FYN: variants seen among roughly 807,000 people sequenced by gnomAD.
FYN encodes the protein tyrosine-protein kinase Fyn.
In FYN, 10 loss-of-function variants were observed where a neutral mutation model predicts 70.2. The observed-to-expected ratio is 0.14, with a 90% CI of 0.09 to 0.24. The LOEUF (loss-of-function observed/expected upper bound fraction) is 0.24, where lower values mean the gene tolerates loss of function less well. Ranked by LOEUF, FYN falls within the 10% of genes least tolerant of loss-of-function variation. The pLI is 1.00. For synonymous variants in FYN, 236 were observed against 248.6 expected, an observed-to-expected ratio of 0.95 and a Z score of 0.48; for missense variants, 319 against 673.1, an observed-to-expected ratio of 0.47 and a Z score of 5.82.
intron 1 of FYN, among the ~76,000 whole-genome samples, chr6:111,850,475 C>T (rs964099727): frequency 2.6e-5 from 4 of 152,214 alleles, no homozygotes; most frequent in African/African-American, 4.8e-5. Context: ...CAGAACCGTA[C>T]GTGGAGTGAT....
intron 2 of FYN, among the ~76,000 whole-genome samples, chr6:111,810,412 G>T (rs557840852): frequency 6.6e-6 from 1 of 152,194 alleles, no homozygotes; most frequent in East Asian, 1.9e-4. Context: ...ACTTGATGTC[G>T]GTCTGGTAAA....
chr6:111,804,726 A>G (rs556973876), intron 2 of FYN, among the ~76,000 whole-genome samples: 6 of 152,212 alleles, frequency 3.9e-5, no homozygotes, highest in Non-Finnish European at 7.3e-5. Context: ...ACTCATAAGC[A>G]GTATGTGGTC....
rs117936149 is a variant in FYN at position 111,690,388 on chromosome 6, G to A, written c.1273+3987C>T. Among the ~76,000 whole-genome samples the A allele has an allele frequency of 1.8e-3, 267 of 152,272 alleles. 6 individuals carry two copies. In the East Asian group the frequency reaches 0.047, roughly 27 times the overall value. ...CATCTTTCTGGGCTTGGAGGACCAA[G>A]ACCACCACCTCAAGCTCAACAGATC... On this transcript the variant is annotated intron_variant, in intron 12 of 13. Coordinates refer to ENST00000354650, the MANE Select transcript of FYN (RefSeq NM_002037.5).
At chr6:111,684,239 AG>A (rs1273734794) in intron 12 of FYN, among the ~76,000 whole-genome samples, 1 of 152,204 alleles carries the variant, frequency 6.6e-6, no homozygotes, top group Non-Finnish European at 1.5e-5. Context: ...AAGGAGTGGA[AG>A]GTGGGCCCGA....
chr6:111,817,056 G>A (rs1583467609), intron 2 of FYN, among the ~76,000 whole-genome samples: 1 of 151,942 alleles, frequency 6.6e-6, no homozygotes, highest in African/African-American at 2.4e-5. Flanking sequence ...AAATTTTGAT[G>A]TAAAATTATA....
intron 13 of FYN, among the ~76,000 whole-genome samples, chr6:111,663,154 G>C (rs767857908): frequency 6.6e-6 from 1 of 152,162 alleles, no homozygotes; most frequent in Non-Finnish European, 1.5e-5. Flanking sequence ...CTGTGCTTTG[G>C]TTGCTTCCTG....
At chr6:111,683,348 C>A (rs1321661876) in intron 12 of FYN, among the ~76,000 whole-genome samples, 1 of 152,238 alleles carries the variant, frequency 6.6e-6, no homozygotes, top group Non-Finnish European at 1.5e-5. Context: ...GGGGCCAGGA[C>A]AGGCCTGGGT....
At chr6:111,668,858 C>G (rs151003052) in intron 13 of FYN, among the ~76,000 whole-genome samples, 33 of 152,252 alleles carry the variant, frequency 2.2e-4, no homozygotes, top group African/African-American at 7.0e-4. Context: ...ATTCGGCTTC[C>G]CAGTCTCCTC....
chr6:111,790,868 A>G (rs1324377322), intron 2 of FYN, among the ~76,000 whole-genome samples: 1 of 152,204 alleles, frequency 6.6e-6, no homozygotes, highest in Non-Finnish European at 1.5e-5. Context: ...GATATGTAAG[A>G]CTTTATGCTG....
chr6:111,817,894 G>C (rs1431594913), intron 2 of FYN, among the ~76,000 whole-genome samples: 1 of 152,082 alleles, frequency 6.6e-6, no homozygotes, highest in Non-Finnish European at 1.5e-5. Context: ...CCTCCACTGG[G>C]GCACTGTCTG....
chr6:111,690,358 C>T (rs183834426), intron 12 of FYN, among the ~76,000 whole-genome samples: 15 of 152,184 alleles, frequency 9.9e-5, no homozygotes, highest in South Asian at 2.1e-4. Context: ...GAGGGCACCC[C>T]GACTCATCTT....
intron 5 of FYN, among the ~76,000 whole-genome samples, chr6:111,709,733 T>C (rs891221800): frequency 1.3e-5 from 2 of 152,210 alleles, no homozygotes; most frequent in African/African-American, 2.4e-5. Flanking sequence ...CTGAAGAATA[T>C]AGGTACAGTA....
intron 3 of FYN, among the ~76,000 whole-genome samples, chr6:111,774,695 T>TC (rs889486955): frequency 1.6e-4 from 24 of 151,552 alleles, no homozygotes; most frequent in Non-Finnish European, 3.1e-4. Flanking sequence ...TGCAGCTTTT[T>TC]CCCCCCCTAC....
chr6:111,836,051 T>C (rs1015746874), intron 2 of FYN, among the ~76,000 whole-genome samples: 1 of 152,200 alleles, frequency 6.6e-6, no homozygotes, highest in African/African-American at 2.4e-5. Context: ...CCATGCAGGA[T>C]TCTGAGTTCA....
In FYN at chr6:111,810,910, T is replaced by C. The variant is rs139585833; in HGVS notation, c.-81-30275A>G. ...GTTAGGGTCCTTTTCCTATCCACTG[T>C]TGTTTACTTGTTTTAAAAATATTTC... On this transcript the variant is annotated intron_variant, in intron 2 of 13. Coordinates refer to ENST00000354650, the MANE Select transcript of FYN (RefSeq NM_002037.5). Among the ~76,000 whole-genome samples, 174 of 152,370 alleles carry C rather than the reference T, an allele frequency of 1.1e-3. 1 individual carries two copies. Among genetic ancestry groups the C allele is most frequent in the African/African-American group, 4.0e-3 (165 of 41,586 alleles).
At chr6:111,797,898 G>A (rs1190482951) in intron 2 of FYN, among the ~76,000 whole-genome samples, 1 of 151,716 alleles carries the variant, frequency 6.6e-6, no homozygotes, top group African/African-American at 2.4e-5. Context: ...GAGTAGCTGG[G>A]ACTACAGGCA....
At chr6:111,832,960 T>C (rs1583479616) in intron 2 of FYN, among the ~76,000 whole-genome samples, 1 of 152,192 alleles carries the variant, frequency 6.6e-6, no homozygotes, top group South Asian at 2.1e-4. Flanking sequence ...CCAGAGAACA[T>C]GTGCTTTTAA....
At chr6:111,846,917 TAC>T (rs547328770) in intron 1 of FYN, among the ~76,000 whole-genome samples, 17 of 151,480 alleles carry the variant, frequency 1.1e-4, no homozygotes, top group South Asian at 2.1e-4. Context: ...CACACACACA[TAC>T]ACACACACAC....
chr6:111,860,348 T>C (rs1399836213), intron 1 of FYN, among the ~76,000 whole-genome samples: 1 of 152,170 alleles, frequency 6.6e-6, no homozygotes, highest in Admixed American at 6.5e-5. Flanking sequence ...AGCTCAACCA[T>C]GGGCTAGACT....
Sources: gnomAD v4.1 joint callset for allele counts (sites outside exome capture counted in the v4.1 genomes callset) on GRCh38, gnomAD v4.1.1 for gene constraint, MANE v1.5 for transcripts, NCBI Gene and HGNC (gene_info 2026-07-23, HGNC 2026-07-21) for gene names.